Variants in RIMS2 observed in about 807,000 individuals in gnomAD.
RIMS2 encodes regulating synaptic membrane exocytosis 2.
RIMS2 carries 59 observed loss-of-function variants against 174.4 expected under a neutral mutation model. The observed-to-expected ratio is 0.34, with a 90% confidence interval of 0.27 to 0.42. The LOEUF (loss-of-function observed/expected upper bound fraction) is 0.42, where lower values mean the gene tolerates loss of function less well. Ranked by LOEUF, RIMS2 falls within the 10% of genes least tolerant of loss-of-function variation. RIMS2 has a pLI of 1.00. For missense variants in RIMS2, 1,620 were observed against 1,666.3 expected (o/e 0.97, Z 0.48); for synonymous variants, 606 against 572.5 (o/e 1.06, Z -0.84).
At chr8:103,766,372 A>C in exon 3 of RIMS2, 1 of 1,613,918 alleles carries the variant, frequency 6.2e-7, no homozygotes, top group Non-Finnish European at 8.5e-7. Flanking sequence ...GCACCTCAGG[A>C]GAAGAAACCA....
At chr8:103,502,525 A>T (rs1156296103) in intron 1 of RIMS2, among the ~76,000 whole-genome samples, 1 of 152,176 alleles carries the variant, frequency 6.6e-6, no homozygotes, top group Non-Finnish European at 1.5e-5. Flanking sequence ...GTTATTTATT[A>T]ACAGCCTTCA....
At chr8:103,855,949 TG>T (rs2099025276) in intron 3 of RIMS2, among the ~76,000 whole-genome samples, 1 of 152,100 alleles carries the variant, frequency 6.6e-6, no homozygotes, top group Admixed American at 6.6e-5. Context: ...ATACTGTCAG[TG>T]GGGTGTAGAA....
At chr8:103,811,584 A>G (rs2098688128) in intron 3 of RIMS2, among the ~76,000 whole-genome samples, 1 of 151,814 alleles carries the variant, frequency 6.6e-6, no homozygotes, top group Non-Finnish European at 1.5e-5. Context: ...AGCTGGGATT[A>G]CAGGCACCCG....
In RIMS2 at chr8:103,739,842, A is replaced by G. The variant is rs182631113; in HGVS notation, c.388-26385A>G. On this transcript the variant is annotated intron_variant, in intron 2 of 23. Transcript: ENST00000504942. ...TTCTCAGAGTCTCTAGGAGCAAAAC[A>G]TAGCACTTTAGTCTAATAGAGTGCT... Among the ~76,000 whole-genome samples the G allele has an allele frequency of 7.2e-4, 109 of 152,284 alleles. No individual in the cohort carries two copies. The East Asian group carries it at 0.014, about 20-fold the overall frequency.
At chr8:103,553,921 C>T (rs563928488) in intron 1 of RIMS2, among the ~76,000 whole-genome samples, 10 of 148,142 alleles carry the variant, frequency 6.8e-5, no homozygotes, top group African/African-American at 1.3e-4. Flanking sequence ...ATCTAATCTT[C>T]GACAAACTCA....
intron 19 of RIMS2, among the ~76,000 whole-genome samples, chr8:104,029,479 C>A (rs556962983): frequency 3.9e-5 from 6 of 152,276 alleles, no homozygotes; most frequent in African/African-American, 1.4e-4. Context: ...ATATATATTA[C>A]CTTTTCTATC....
chr8:103,920,011 T>G, intron 9 of RIMS2, among the ~76,000 whole-genome samples: 2 of 152,298 alleles, frequency 1.3e-5, no homozygotes, highest in Middle Eastern at 3.4e-3. Flanking sequence ...TAGGTTAAAA[T>G]TTTTATTCAC....
Position 103,923,681 on chromosome 8 carries a change from A to G in RIMS2, c.2196+1897A>G, listed in dbSNP as rs114533901. Among the ~76,000 whole-genome samples, 528 of 151,870 alleles carry G rather than the reference A, an allele frequency of 3.5e-3. 6 individuals carry two copies. Among genetic ancestry groups the G allele is most frequent in the African/African-American group, 0.012 (514 of 41,518 alleles). On this transcript the variant is annotated intron_variant, in intron 10 of 23. Coordinates refer to ENST00000504942, the Ensembl canonical transcript of RIMS2. ...TGGAAGGAATATGTTCCACTATGAT[A>G]TTAGTAGTAAAACTTTTAGCTGTAT...
intron 19 of RIMS2, among the ~76,000 whole-genome samples, chr8:104,062,175 G>A (rs2097010105): frequency 6.6e-6 from 1 of 152,096 alleles, no homozygotes; most frequent in Admixed American, 6.6e-5. Flanking sequence ...GGAGGCTGAG[G>A]CGGGCAGATC....
At chr8:103,708,998 G>C (rs2097267845) in intron 2 of RIMS2, among the ~76,000 whole-genome samples, 1 of 151,508 alleles carries the variant, frequency 6.6e-6, no homozygotes, top group Non-Finnish European at 1.5e-5. Context: ...GTTTTATTTT[G>C]TATTCTTTAT....
At chr8:103,763,096 G>A (rs2098129632) in intron 2 of RIMS2, among the ~76,000 whole-genome samples, 1 of 152,102 alleles carries the variant, frequency 6.6e-6, no homozygotes, top group Non-Finnish European at 1.5e-5. Flanking sequence ...AGAGTAGGAG[G>A]AGATGGTAGA....
intron 1 of RIMS2, among the ~76,000 whole-genome samples, chr8:103,543,192 C>T (rs1843331315): frequency 6.6e-6 from 1 of 152,100 alleles, no homozygotes; most frequent in Admixed American, 6.5e-5. Context: ...CAAAATCAAC[C>T]TACACAAATC....
chr8:103,906,754 C>CA (rs78716335), intron 4 of RIMS2, among the ~76,000 whole-genome samples: 37,279 of 152,010 alleles, frequency 0.25, 4,915 homozygotes, highest in Non-Finnish European at 0.27. Context: ...CTTCAGGCTT[C>CA]TACTGTTTTA....
At position 103,698,877 on chromosome 8, in the gene RIMS2, G is replaced by A. The variant is rs143145345; in HGVS notation, c.387+1581G>A. Among the ~76,000 whole-genome samples, 7 of 152,288 alleles carry A rather than the reference G, an allele frequency of 4.6e-5. No individual in the cohort carries two copies. The East Asian group carries it at 1.2e-3, about 25-fold the overall frequency. ...TCTTTGGTTTTGGTATTGGGATAAT[G>A]CTGGCCTGATAAAATGTGTTGGGAA... is the stretch of plus-strand genomic sequence containing the variant. On this transcript the variant is annotated intron_variant, in intron 2 of 23. Transcript: ENST00000504942.
Position 103,582,133 on chromosome 8 carries a change from C to T in RIMS2, c.176+81071C>T, listed in dbSNP as rs150731912. Among the ~76,000 whole-genome samples the T allele has an allele frequency of 4.2e-3, 642 of 152,160 alleles. 4 individuals are homozygous for T. Among genetic ancestry groups the T allele is most frequent in the African/African-American group, 0.015 (610 of 41,522 alleles). On this transcript the variant is annotated intron_variant, in intron 1 of 23. Coordinates refer to ENST00000504942, the Ensembl canonical transcript of RIMS2. ...AGGGCACTAGTCAGAGTTGCGAGGT[C>T]CCTGTTCCAGGCCCTAGCTCCAGGA...
intron 3 of RIMS2, among the ~76,000 whole-genome samples, chr8:103,840,241 G>T (rs749907461): frequency 6.6e-6 from 1 of 152,042 alleles, no homozygotes; most frequent in Non-Finnish European, 1.5e-5. Flanking sequence ...TAGAACCTTG[G>T]CAATCATTTC....
At chr8:104,202,771 G>A (rs541830367) in intron 19 of RIMS2, among the ~76,000 whole-genome samples, 1 of 152,332 alleles carries the variant, frequency 6.6e-6, no homozygotes, top group South Asian at 2.1e-4. Context: ...CTGTGAATAT[G>A]ATTATACTCT....
At chr8:103,526,986 C>T (rs1373971880) in intron 1 of RIMS2, among the ~76,000 whole-genome samples, 4 of 152,052 alleles carry the variant, frequency 2.6e-5, no homozygotes, top group Non-Finnish European at 4.4e-5. Flanking sequence ...AACCCCAAAA[C>T]AACAAAAATC....
intron 1 of RIMS2, among the ~76,000 whole-genome samples, chr8:103,610,125 C>G (rs1235793878): frequency 6.6e-6 from 1 of 151,974 alleles, no homozygotes; most frequent in Non-Finnish European, 1.5e-5. Context: ...TAATTTGGCT[C>G]TCTGCTTGGA....
Sources: allele counts gnomAD v4.1 joint callset (sites outside exome capture counted in the v4.1 genomes callset), GRCh38; gene constraint gnomAD v4.1.1; transcripts MANE v1.5; gene names NCBI Gene and HGNC (gene_info 2026-07-23, HGNC 2026-07-21).